The following ARFGEF1 variants were observed in gnomAD, a reference collection of about 807,000 sequenced individuals.
ARFGEF1 encodes the protein brefeldin A-inhibited guanine nucleotide-exchange protein 1.
In ARFGEF1, 42 loss-of-function variants were observed where a neutral mutation model predicts 231.0. The ratio of observed to expected loss-of-function variants is 0.18; its 90% CI spans 0.14 to 0.24. The LOEUF (loss-of-function observed/expected upper bound fraction) is 0.24, where lower values mean the gene tolerates loss of function less well. Ranked by LOEUF, ARFGEF1 falls within the 10% of genes least tolerant of loss-of-function variation. The pLI is 1.00. For synonymous variants in ARFGEF1, 710 were observed against 732.3 expected (o/e 0.97, Z 0.49); for missense variants, 1,345 against 2,192.0 (o/e 0.61, Z 7.72).
At chr8:67,196,233 TATAA>T (rs1332710929), downstream of ARFGEF1, 6 of 152,254 alleles carry the variant, frequency 3.9e-5, no homozygotes, top group Non-Finnish European at 7.3e-5. Context: ...TACTTCTTGA[TATAA>T]ATAAATTTTT....
Position 67,211,527 on chromosome 8 carries a change from G to A in ARFGEF1, c.4775C>T (p.Ala1592Val), listed in dbSNP as rs148891437. The change falls in exon 34 of 39, where the codon GCG (alanine) becomes GTG (valine). Residue 1592 changes from alanine (A) to valine (V), a missense_variant. By Grantham distance (64) the Ala-to-Val change is moderately conservative. Around this residue, in one of 14 missense-constraint regions of ARFGEF1, gnomAD observed 89 missense variants for 74.8 expected, o/e 1.19. Transcript: ENST00000262215. ...DNRPQAPLVS[A>V]SAVNEEVSKI... ...GCTGACTTCTTCATTAACAGCAGAC[G>A]CAGAAACCAGTGGTGCTTGTGGTCT... The A allele has an allele frequency of 4.2e-5, 67 of 1,594,162 alleles. No individual in the cohort carries two copies. In the African/African-American group the frequency reaches 5.6e-4, roughly 13 times the overall value.
At chr8:67,187,654 A>G (rs1455675010) in intron 5 of ARFGEF1, among the ~76,000 whole-genome samples, 1 of 152,208 alleles carries the variant, frequency 6.6e-6, no homozygotes, top group Admixed American at 6.5e-5. Context: ...ACTAAACTCC[A>G]GCCTGGGCAA....
In ARFGEF1 at chr8:67,291,803, T is replaced by C. The variant is rs949932057; in HGVS notation, c.916+44A>G. On this transcript the variant is annotated intron_variant, in intron 6 of 38. Coordinates refer to ENST00000262215, the MANE Select transcript of ARFGEF1 (RefSeq NM_006421.5). ...TCATCAAAACTCTCATTCCTACACA[T>C]TTCCCTTAACACACACCCCAAACCC... is the stretch of plus-strand genomic sequence containing the variant. The C allele has an allele frequency of 1.1e-5, 18 of 1,582,704 alleles. No homozygotes were observed. The South Asian group carries it at 1.3e-4, about 11-fold the overall frequency.
intron 19 of ARFGEF1, among the ~76,000 whole-genome samples, chr8:67,247,464 A>G (rs1281103497): frequency 6.6e-6 from 1 of 150,704 alleles, no homozygotes; most frequent in Non-Finnish European, 1.5e-5. Context: ...GTGATACACC[A>G]TATCAATAGA....
chr8:67,337,768 C>T (rs1808415881), intron 1 of ARFGEF1, among the ~76,000 whole-genome samples: 1 of 152,174 alleles, frequency 6.6e-6, no homozygotes, highest in Non-Finnish European at 1.5e-5. Flanking sequence ...TCAGTACTCC[C>T]ACCCTTTTCC....
rs548744183 is a variant in ARFGEF1 at position 67,181,791 on chromosome 8, A to G, written c.561-6219T>C. Among the ~76,000 whole-genome samples, 5 of 152,306 alleles carry G rather than the reference A, an allele frequency of 3.3e-5. No homozygotes were observed. In the South Asian group the frequency reaches 1.0e-3, roughly 32 times the overall value. On this transcript the variant is annotated intron_variant, in intron 5 of 5. Coordinates refer to the ARFGEF1 transcript ENST00000518789. ...TCATCCATCTCCAGAATTCATCTTGAAAATAGAAACTCTTCATATGAAACA... is the reference window on the plus strand; with the variant it reads ...TCATCCATCTCCAGAATTCATCTTGGAAATAGAAACTCTTCATATGAAACA...
intron 7 of ARFGEF1, among the ~76,000 whole-genome samples, chr8:67,284,984 T>C (rs1046626306): frequency 6.6e-6 from 1 of 151,746 alleles, no homozygotes; most frequent in African/African-American, 2.4e-5. Flanking sequence ...AGAACGTGGG[T>C]GTTAGCTTGA....
chr8:67,224,368 T>C (rs1398315478), intron 29 of ARFGEF1, among the ~76,000 whole-genome samples: 1 of 152,204 alleles, frequency 6.6e-6, no homozygotes, highest in Non-Finnish European at 1.5e-5. Context: ...AGTTACATAA[T>C]ACCCATAATA....
chr8:67,274,024 T>TA (rs1173599111), intron 9 of ARFGEF1, among the ~76,000 whole-genome samples: 4 of 152,170 alleles, frequency 2.6e-5, no homozygotes, highest in East Asian at 3.9e-4. Flanking sequence ...CTGTACATGC[T>TA]AAAAAAAATT....
chr8:67,277,183 C>A, intron 8 of ARFGEF1, 99 bp downstream of exon 8: 1 of 1,175,020 alleles, frequency 8.5e-7, no homozygotes, highest in Non-Finnish European at 1.2e-6. Flanking sequence ...AAAAATCAGG[C>A]AGCATCATCA....
intron 10 of ARFGEF1, among the ~76,000 whole-genome samples, chr8:67,270,209 T>C (rs77665364): frequency 5.3e-5 from 8 of 152,178 alleles, no homozygotes; most frequent in Non-Finnish European, 1.0e-4. Context: ...TTAACAGACA[T>C]ATGGCAAACT....
chr8:67,296,697 C>T, intron 4 of ARFGEF1, 87 bp from the exon 5 acceptor site: 2 of 1,091,034 alleles, frequency 1.8e-6, no homozygotes, highest in Non-Finnish European at 2.6e-6. Context: ...GTCACCCAGG[C>T]TGGAGTGCAG....
Position 67,218,007 on chromosome 8 carries a change from C to T in ARFGEF1, c.4470G>A (p.Gln1490=). The part of the protein sequence containing the change: ...DIFAQLYWCV[Q]QDNEQLARSG... The stretch of plus-strand genomic sequence containing the variant: ...ACATATCTGGTACAGACCTACCTTG[C>T]TGCACACACCAGTAGAGCTGAGCAA... Residue 1490 remains glutamine (Q), a synonymous_variant, in exon 31 of 39, where the codon CAG becomes CAA. Transcript: ENST00000262215. 2 of 1,611,904 alleles carry T rather than the reference C, an allele frequency of 1.2e-6. No homozygotes were observed. The highest frequency in any genetic ancestry group is 1.7e-6 in the Non-Finnish European group (2 of 1,178,966).
intron 19 of ARFGEF1, among the ~76,000 whole-genome samples, chr8:67,244,290 GTC>G (rs1373215749): frequency 8.0e-6 from 1 of 125,176 alleles, no homozygotes; most frequent in Non-Finnish European, 1.6e-5. Flanking sequence ...TGAGTCTCTC[GTC>G]TCTCTCTCTC....
At chr8:67,269,088 T>C (rs1804965295) in intron 10 of ARFGEF1, among the ~76,000 whole-genome samples, 1 of 152,172 alleles carries the variant, frequency 6.6e-6, no homozygotes, top group South Asian at 2.1e-4. Flanking sequence ...AATCAACCTT[T>C]TAATAATTTA....
At chr8:67,193,715 T>C, downstream of ARFGEF1, 2 of 880,468 alleles carry the variant, frequency 2.3e-6, no homozygotes, top group East Asian at 2.6e-5. Context: ...TTGAAGACCT[T>C]TGAGTTGTAT....
intron 7 of ARFGEF1, among the ~76,000 whole-genome samples, chr8:67,284,794 A>G (rs1161381429): frequency 6.6e-6 from 1 of 152,212 alleles, no homozygotes; most frequent in African/African-American, 2.4e-5. Context: ...GCTAGCAACA[A>G]GAGCATCTTG....
intron 3 of ARFGEF1, among the ~76,000 whole-genome samples, chr8:67,299,939 A>G (rs1029051732): frequency 6.6e-6 from 1 of 152,104 alleles, no homozygotes; most frequent in Non-Finnish European, 1.5e-5. Flanking sequence ...ACTGCACTCC[A>G]ACGTAGGTGA....
At chr8:67,232,454 T>C (rs1461952903) in intron 23 of ARFGEF1, among the ~76,000 whole-genome samples, 3 of 152,062 alleles carry the variant, frequency 2.0e-5, no homozygotes, top group African/African-American at 2.4e-5. Flanking sequence ...ATAATGGGAA[T>C]TGCCAATAAA....
Sources: gnomAD v4.1 joint callset for allele counts (sites outside exome capture counted in the v4.1 genomes callset) on GRCh38, gnomAD v4.1.1 for gene constraint, gnomAD v4.1.1 regional missense constraint, MANE v1.5 for transcripts, NCBI Gene and HGNC (gene_info 2026-07-23, HGNC 2026-07-21) for gene names.